The following TRAPPC9 variants were observed in gnomAD, a reference collection of about 807,000 sequenced individuals.
TRAPPC9 encodes the protein IKK2 binding protein.
In TRAPPC9, 83 loss-of-function variants were observed where a neutral mutation model predicts 124.0. The ratio of observed to expected loss-of-function variants is 0.67; its 90% CI spans 0.56 to 0.80. TRAPPC9 has a LOEUF of 0.80. Ranked by LOEUF, TRAPPC9 falls within the 30% of genes least tolerant of loss-of-function variation. The probability of loss-of-function intolerance (pLI) is 0.00; values close to 1 mark genes in which losing one functional copy is unlikely to be tolerated. For synonymous variants in TRAPPC9, 638 were observed against 617.5 expected (o/e 1.03, Z -0.49); for missense variants, 1,302 against 1,508.3 (o/e 0.86, Z 2.27).
chr8:140,148,259 G>T (rs978160901), intron 17 of TRAPPC9, among the ~76,000 whole-genome samples: 1 of 152,174 alleles, frequency 6.6e-6, no homozygotes. Context: ...TGATGCTCTC[G>T]GTCGTTATTC....
chr8:139,773,008 G>A (rs1821091466), intron 21 of TRAPPC9, among the ~76,000 whole-genome samples: 1 of 152,248 alleles, frequency 6.6e-6, no homozygotes, highest in Non-Finnish European at 1.5e-5. Context: ...TGAGGTCACT[G>A]TGTTCCTTTC....
chr8:140,159,048 CG>C (rs1158294616), intron 17 of TRAPPC9, among the ~76,000 whole-genome samples: 7 of 152,154 alleles, frequency 4.6e-5, no homozygotes, highest in African/African-American at 1.7e-4. Context: ...CTGCCCTTGG[CG>C]GAAGTTCCCT....
intron 18 of TRAPPC9, among the ~76,000 whole-genome samples, chr8:140,020,754 C>T (rs752632128): frequency 4.6e-5 from 7 of 152,136 alleles, no homozygotes; most frequent in South Asian, 2.1e-4. Context: ...TAAATGTTGA[C>T]GTTTTCAACT....
chr8:139,731,873 A>G (rs573979882), intron 22 of TRAPPC9, 106 bp downstream of exon 22: 11 of 1,042,522 alleles, frequency 1.1e-5, no homozygotes, highest in East Asian at 2.6e-5. Context: ...CCCTGCTGCT[A>G]TCGTCTGCTG....
At chr8:140,176,627 G>A (rs2062077797) in intron 17 of TRAPPC9, among the ~76,000 whole-genome samples, 1 of 152,182 alleles carries the variant, frequency 6.6e-6, no homozygotes, top group Non-Finnish European at 1.5e-5. Context: ...ATGGGCATCG[G>A]TCATGTCTTT....
chr8:140,416,342 A>G (rs191185229), intron 5 of TRAPPC9, among the ~76,000 whole-genome samples: 38 of 152,322 alleles, frequency 2.5e-4, no homozygotes, highest in African/African-American at 6.3e-4. Flanking sequence ...AAGAAGATCT[A>G]GAAAATCTAA....
At chr8:139,829,205 A>T (rs996544108) in intron 21 of TRAPPC9, among the ~76,000 whole-genome samples, 3 of 152,240 alleles carry the variant, frequency 2.0e-5, no homozygotes, top group Admixed American at 6.5e-5. Context: ...GCCCTTCCGG[A>T]GGGTATAAAG....
intron 18 of TRAPPC9, among the ~76,000 whole-genome samples, chr8:140,020,006 T>C (rs1268375885): frequency 6.6e-6 from 1 of 151,300 alleles, no homozygotes; most frequent in Non-Finnish European, 1.5e-5. Flanking sequence ...CTAATTTTTT[T>C]TAATGTTTTG....
chr8:139,884,866 C>T lies in TRAPPC9; in HGVS notation c.3055+1013G>A, dbSNP rs146738049. Among the ~76,000 whole-genome samples the T allele has an allele frequency of 6.0e-3, 912 of 152,318 alleles. 10 individuals carry two copies. The highest frequency in any genetic ancestry group is 0.011 in the Non-Finnish European group (737 of 68,026). On this transcript the variant is annotated intron_variant, in intron 21 of 22. Coordinates refer to ENST00000438773, the MANE Select transcript of TRAPPC9 (RefSeq NM_001160372.4). ...CGCCATGACGGTGCCCACCTGGTCC[C>T]GACAGCTTTCACCTGTGAGGAGCCA...
intron 19 of TRAPPC9, among the ~76,000 whole-genome samples, chr8:139,919,090 G>A (rs892439102): frequency 3.9e-5 from 6 of 152,324 alleles, no homozygotes; most frequent in African/African-American, 9.6e-5. Context: ...CACTGCTCTC[G>A]ACTCCCCGAG....
chr8:140,348,667 A>G (rs575777576), intron 9 of TRAPPC9, among the ~76,000 whole-genome samples: 1 of 152,352 alleles, frequency 6.6e-6, no homozygotes, highest in South Asian at 2.1e-4. Context: ...GACTGCCAAC[A>G]TGTGCCTCTA....
chr8:140,235,264 T>C (rs2063706284), intron 16 of TRAPPC9, among the ~76,000 whole-genome samples: 1 of 152,220 alleles, frequency 6.6e-6, no homozygotes, highest in Non-Finnish European at 1.5e-5. Flanking sequence ...TGAGCCACCA[T>C]GCCTGGCTGA....
At chr8:140,013,046 G>A (rs1234514930) in intron 18 of TRAPPC9, among the ~76,000 whole-genome samples, 1 of 152,186 alleles carries the variant, frequency 6.6e-6, no homozygotes, top group Non-Finnish European at 1.5e-5. Flanking sequence ...ACATGCACAG[G>A]GCTGAGCGGG....
At chr8:139,993,804 T>C (rs137875687) in intron 18 of TRAPPC9, among the ~76,000 whole-genome samples, 21 of 152,306 alleles carry the variant, frequency 1.4e-4, no homozygotes, top group Admixed American at 2.0e-4. Context: ...TATATGTATA[T>C]CAAATTTTAA....
intron 7 of TRAPPC9, among the ~76,000 whole-genome samples, chr8:140,392,386 G>A (rs981427672): frequency 3.3e-5 from 5 of 152,316 alleles, no homozygotes; most frequent in Admixed American, 3.3e-4. Flanking sequence ...TGCCAACAGA[G>A]CTTATTTTAC....
At chr8:140,390,673 C>T (rs191698591) in intron 7 of TRAPPC9, among the ~76,000 whole-genome samples, 4 of 152,326 alleles carry the variant, frequency 2.6e-5, no homozygotes, top group African/African-American at 9.6e-5. Flanking sequence ...ATCTCTGCAG[C>T]TTTGACTGCT....
At chr8:140,248,818 C>T (rs904670400) in intron 16 of TRAPPC9, among the ~76,000 whole-genome samples, 4 of 152,116 alleles carry the variant, frequency 2.6e-5, no homozygotes, top group Admixed American at 2.6e-4. Context: ...TAGATATCTG[C>T]CAAGAATTTG....
chr8:140,247,989 T>C (rs772175289), intron 16 of TRAPPC9, among the ~76,000 whole-genome samples: 1 of 152,234 alleles, frequency 6.6e-6, no homozygotes, highest in Non-Finnish European at 1.5e-5. Flanking sequence ...TTTTATCAGC[T>C]TCTGAGCACG....
At position 139,790,469 on chromosome 8, in the gene TRAPPC9, A is replaced by C. The variant is rs139513161; in HGVS notation, c.3056-58267T>G. On this transcript the variant is annotated intron_variant, in intron 21 of 22. Transcript: ENST00000438773. ...ACAGCCGGTGCTCACAGGGGAAGGC[A>C]GGCCTCCATCTCTGCCCTGAGAGGC... Among the ~76,000 whole-genome samples, 115 of 152,330 alleles carry C rather than the reference A, an allele frequency of 7.5e-4. 1 individual carries two copies. The highest frequency in any genetic ancestry group is 2.7e-3 in the African/African-American group (112 of 41,582).
Sources: gnomAD v4.1 joint callset for allele counts (sites outside exome capture counted in the v4.1 genomes callset) on GRCh38, gnomAD v4.1.1 for gene constraint, MANE v1.5 for transcripts, NCBI Gene and HGNC (gene_info 2026-07-23, HGNC 2026-07-21) for gene names.